BPHL: variants seen among roughly 807,000 people sequenced by gnomAD.
BPHL encodes the protein biphenyl hydrolase like, also known as serine hydrolase BPHL.
A neutral mutation model predicts 31.2 loss-of-function variants in BPHL; 27 were observed. The observed-to-expected ratio is 0.87, with a 90% CI of 0.64 to 1.19. The LOEUF (loss-of-function observed/expected upper bound fraction) is 1.19, where lower values mean the gene tolerates loss of function less well. Among genes scored for constraint, BPHL ranks in the 50% most tolerant of loss-of-function variants. The pLI, the probability that BPHL is intolerant of heterozygous loss-of-function variation, is 0.00. For missense variants in BPHL, 356 were observed against 375.7 expected, an observed-to-expected ratio of 0.95 and a Z score of 0.43; for synonymous variants, 150 against 146.8, an observed-to-expected ratio of 1.02 and a Z score of -0.16.
At chr6:3,122,833 A>G (rs796721943) in intron 1 of BPHL, among the ~76,000 whole-genome samples, 1 of 152,320 alleles carries the variant, frequency 6.6e-6, no homozygotes, top group African/African-American at 2.4e-5. Context: ...AGGCCAGACA[A>G]CACAGGATAC....
At chr6:3,143,841 C>G in intron 6 of BPHL, among the ~76,000 whole-genome samples, 1 of 152,228 alleles carries the variant, frequency 6.6e-6, no homozygotes, top group East Asian at 1.9e-4. Context: ...ATCTCAGGAG[C>G]CAGAGGCCCG....
In BPHL at chr6:3,140,589, A is replaced by C. The variant is rs1031665947; in HGVS notation, c.788+80A>C. On this transcript the variant is annotated intron_variant, in intron 6 of 6. Coordinates refer to ENST00000380379, the MANE Select transcript of BPHL (RefSeq NM_004332.4). This position sits in a 1 kb window ranked among gnomAD's most constrained non-coding sequence, Gnocchi z 5.2. Reference sequence around the variant, plus strand: ...AAAGCTACTGGAAGGAAAATAACCAAGAGGAGTTGGAGTTTTAGAGTGCAC... The same window carrying C: ...AAAGCTACTGGAAGGAAAATAACCACGAGGAGTTGGAGTTTTAGAGTGCAC... The C allele has an allele frequency of 5.7e-6, 9 of 1,587,240 alleles. No individual in the cohort carries two copies. Among genetic ancestry groups the C allele is most frequent in the Non-Finnish European group, 7.7e-6 (9 of 1,168,550 alleles).
At chr6:3,125,123 A>C (rs1314865427) in intron 2 of BPHL, among the ~76,000 whole-genome samples, 1 of 148,378 alleles carries the variant, frequency 6.7e-6, no homozygotes, top group East Asian at 2.0e-4. Flanking sequence ...TTGGTTCACC[A>C]CAACCTCTAC....
At chr6:3,152,444 A>T in intron 6 of BPHL, 44 bp from the exon 7 acceptor site, 1 of 1,547,292 alleles carries the variant, frequency 6.5e-7, no homozygotes, top group Non-Finnish European at 8.9e-7. Flanking sequence ...TTTGTTCTTA[A>T]GTGGTGGGCC....
chr6:3,152,736 C>G lies in BPHL; in HGVS notation c.*161C>G, dbSNP rs575215749. On this transcript the variant is annotated 3_prime_UTR_variant, in exon 7 of 7. Coordinates refer to ENST00000380379, the MANE Select transcript of BPHL (RefSeq NM_004332.4). Reference sequence around the variant, plus strand: ...AATAATGACATATTGAAAACAGCCTCTAGCTTCAGGCTGGGCACGGTGGCT... The same window carrying G: ...AATAATGACATATTGAAAACAGCCTGTAGCTTCAGGCTGGGCACGGTGGCT... 1.1e-3 allele frequency: 663 copies of G among 617,704 alleles called. 1 individual carries two copies. The highest frequency in any genetic ancestry group is 1.6e-3 in the Non-Finnish European group (596 of 372,638). 38.3% of individuals were successfully genotyped at this position (617,704 alleles called of 1,614,324 possible). A position where few individuals can be genotyped will look rare whatever the true frequency, so the allele number is the denominator to read the frequency against.
chr6:3,118,871 G>A (rs1310979036), intron 1 of BPHL, 24 bp downstream of exon 1: 11 of 1,233,306 alleles, frequency 8.9e-6, no homozygotes, highest in African/African-American at 6.2e-5. Context: ...CCTCGCCCCG[G>A]GGATCCCCAG....
chr6:3,134,925 C>T (rs915675640), intron 4 of BPHL, among the ~76,000 whole-genome samples: 4 of 151,742 alleles, frequency 2.6e-5, no homozygotes, highest in African/African-American at 9.7e-5. Context: ...TTTGTAGAGA[C>T]GGGGTTCCGC....
chr6:3,125,049 ATTTTT>A, intron 2 of BPHL, among the ~76,000 whole-genome samples: 2 of 142,420 alleles, frequency 1.4e-5, no homozygotes, highest in Middle Eastern at 7.2e-3. Flanking sequence ...TACCAATTTA[ATTTTT>A]TTTTTTTTTT....
At chr6:3,151,794 C>A (rs1431641120) in intron 6 of BPHL, among the ~76,000 whole-genome samples, 1 of 152,178 alleles carries the variant, frequency 6.6e-6, no homozygotes, top group Admixed American at 6.5e-5. Flanking sequence ...CCCATTTGAT[C>A]ACAATCCTGT....
intron 1 of BPHL, chr6:3,119,625 G>C (rs1477611556): frequency 6.3e-6 from 9 of 1,431,304 alleles, no homozygotes; most frequent in South Asian, 1.2e-5. Context: ...CATGAAGCTT[G>C]TTTTACTTTA....
chr6:3,135,670 C>T (rs968379016), intron 4 of BPHL, among the ~76,000 whole-genome samples: 2 of 152,092 alleles, frequency 1.3e-5, no homozygotes, highest in Non-Finnish European at 2.9e-5. Flanking sequence ...TCTTCTGCAT[C>T]GTCGTGTCTC....
chr6:3,136,477 C>T (rs1057190995), intron 4 of BPHL, among the ~76,000 whole-genome samples: 2 of 152,290 alleles, frequency 1.3e-5, no homozygotes, highest in East Asian at 1.9e-4. Flanking sequence ...ATGGGGGATC[C>T]GCCCTCCTCA....
chr6:3,136,822 T>TA (rs1270228011), intron 4 of BPHL, among the ~76,000 whole-genome samples: 1 of 152,260 alleles, frequency 6.6e-6, no homozygotes, highest in Admixed American at 6.5e-5. Context: ...TCATCTATAA[T>TA]ACAGTTTGAA....
Position 3,133,350 on chromosome 6 carries a change from G to A in BPHL, c.533-4012G>A, listed in dbSNP as rs565227401. Among the ~76,000 whole-genome samples the A allele has an allele frequency of 1.1e-4, 17 of 152,162 alleles. No individual in the cohort carries two copies. The East Asian group carries it at 3.1e-3, about 28-fold the overall frequency. ...GGGCTGATTCTGTGCCTCTCCAACC[G>A]GTCCAGGTCCTTGCCTCCTACCAGT... is the stretch of plus-strand genomic sequence containing the variant. On this transcript the variant is annotated intron_variant, in intron 4 of 6. Coordinates refer to ENST00000380379, the MANE Select transcript of BPHL (RefSeq NM_004332.4).
intron 1 of BPHL, among the ~76,000 whole-genome samples, chr6:3,122,137 G>A (rs949672782): frequency 6.6e-5 from 10 of 152,030 alleles, no homozygotes; most frequent in African/African-American, 2.2e-4. Flanking sequence ...AAAATTAGCC[G>A]GGCGTGGTGG....
At chr6:3,142,299 A>C (rs912906273) in intron 6 of BPHL, among the ~76,000 whole-genome samples, 16 of 151,984 alleles carry the variant, frequency 1.1e-4, no homozygotes, top group African/African-American at 3.9e-4. Context: ...TTGCATTTTT[A>C]GTAGAGACGG....
intron 2 of BPHL, among the ~76,000 whole-genome samples, chr6:3,124,846 C>T (rs1761673936): frequency 6.6e-6 from 1 of 152,186 alleles, no homozygotes; most frequent in Non-Finnish European, 1.5e-5. Flanking sequence ...TTCCACTTGA[C>T]TGAGCCTCAG....
At chr6:3,127,219 G>T in intron 2 of BPHL, 23 bp from the exon 3 acceptor site, 1 of 1,498,620 alleles carries the variant, frequency 6.7e-7, no homozygotes, top group Non-Finnish European at 9.0e-7. Context: ...ATCACCTGAG[G>T]GTAACCAAGT....
chr6:3,134,474 A>G (rs1486893274), intron 4 of BPHL, among the ~76,000 whole-genome samples: 3 of 113,042 alleles, frequency 2.7e-5, no homozygotes, highest in African/African-American at 3.6e-5. Flanking sequence ...GGTCTCCACT[A>G]TTGCCCAGGC....
Sources: gnomAD v4.1 joint callset for allele counts (sites outside exome capture counted in the v4.1 genomes callset) on GRCh38, gnomAD v4.1.1 for gene constraint, Gnocchi (gnomAD v3.1) non-coding constraint, MANE v1.5 for transcripts, NCBI Gene and HGNC (gene_info 2026-07-23, HGNC 2026-07-21) for gene names.